Variants in BRINP2 observed in about 807,000 individuals in gnomAD.
BRINP2 encodes BMP/retinoic acid inducible neural specific 2.
BRINP2 carries 21 observed loss-of-function variants against 69.2 expected under a neutral mutation model. The observed-to-expected ratio is 0.30, with a 90% CI of 0.22 to 0.44. The LOEUF is 0.44. Among genes scored for constraint, BRINP2 ranks in the 20% least tolerant of loss-of-function variants. The pLI, the probability that BRINP2 is intolerant of heterozygous loss-of-function variation, is 1.00. For missense variants in BRINP2, 877 were observed against 986.0 expected (o/e 0.89, Z 1.48); for synonymous variants, 380 against 394.1 (o/e 0.96, Z 0.42).
chr1:177,279,089 A>G (rs1193573571), intron 7 of BRINP2, among the ~76,000 whole-genome samples: 1 of 152,202 alleles, frequency 6.6e-6, no homozygotes, highest in East Asian at 1.9e-4. Flanking sequence ...AAAAAAAGGG[A>G]TGGAGTTAAA....
intron 4 of BRINP2, among the ~76,000 whole-genome samples, chr1:177,270,086 G>GT (rs1553275368): frequency 2.2e-5 from 3 of 137,742 alleles, no homozygotes; most frequent in African/African-American, 5.2e-5. Context: ...AAGGGGTGGG[G>GT]GGGGTGGTTC....
intron 1 of BRINP2, among the ~76,000 whole-genome samples, chr1:177,177,427 C>T (rs1006994617): frequency 2.6e-5 from 4 of 152,162 alleles, no homozygotes; most frequent in African/African-American, 4.8e-5. Context: ...TCATTATTGT[C>T]ATTCACTGCA....
chr1:177,230,050 G>A lies in BRINP2; in HGVS notation c.174G>A (p.Leu58=), dbSNP rs1049073734. The A allele has an allele frequency of 1.9e-6, 3 of 1,613,894 alleles. No individual in the cohort carries two copies. The highest frequency in any genetic ancestry group is 2.5e-6 in the Non-Finnish European group (3 of 1,180,024). The change falls in exon 2 of 8, where the codon CTG becomes CTA. Residue 58 remains leucine (L), a synonymous_variant. Transcript: ENST00000361539. ...SVAGQHPLDW[L]LTDRGPFHRA... ...CTGGCCAGCATCCCCTGGACTGGCTGCTCACAGACCGGGGCCCCTTCCACC... is the reference window on the plus strand; with the variant it reads ...CTGGCCAGCATCCCCTGGACTGGCTACTCACAGACCGGGGCCCCTTCCACC...
chr1:177,195,447 A>T (rs974306039), intron 1 of BRINP2, among the ~76,000 whole-genome samples: 2 of 151,252 alleles, frequency 1.3e-5, no homozygotes, highest in African/African-American at 4.9e-5. Flanking sequence ...CGCTAAGGAC[A>T]AAGCACGAGT....
Position 177,257,329 on chromosome 1 carries a change from G to C in BRINP2, c.614G>C (p.Arg205Thr), listed in dbSNP as rs1054756207. Residue 205 changes from arginine to threonine, a missense_variant, in exon 4 of 8, where the codon AGA (arginine) becomes ACA (threonine). Arg to Thr is a moderately conservative substitution (Grantham distance 71). Around this residue, in one of 3 missense-constraint regions of BRINP2, gnomAD observed 566 missense variants for 625.2 expected, o/e 0.91. Coordinates refer to ENST00000361539, the MANE Select transcript of BRINP2 (RefSeq NM_021165.4). ...CTGGCCGCCTCCTACTTCATCGACA[G>C]AGAGAGCACGCTGCGACGGCTGCAC... ...HQLAASYFIDRESTLRRLHHI... is the reference protein window; with the variant it reads ...HQLAASYFIDTESTLRRLHHI... 3 of 1,614,064 alleles carry C rather than the reference G, an allele frequency of 1.9e-6. No individual in the cohort carries two copies. Among genetic ancestry groups the C allele is most frequent in the Non-Finnish European group, 2.5e-6 (3 of 1,180,004 alleles).
intron 1 of BRINP2, among the ~76,000 whole-genome samples, chr1:177,206,376 A>T (rs1649070770): frequency 6.6e-6 from 1 of 152,238 alleles, no homozygotes; most frequent in Non-Finnish European, 1.5e-5. Flanking sequence ...CATTTGTTAC[A>T]TAGTAATAGA....
chr1:177,204,524 T>C (rs1649015230), intron 1 of BRINP2, among the ~76,000 whole-genome samples: 1 of 151,476 alleles, frequency 6.6e-6, no homozygotes, highest in Non-Finnish European at 1.5e-5. Flanking sequence ...GCTAAGAAAA[T>C]ATGTTTAAGA....
chr1:177,215,390 G>T (rs1490030062), intron 1 of BRINP2, among the ~76,000 whole-genome samples: 1 of 152,050 alleles, frequency 6.6e-6, no homozygotes, highest in Non-Finnish European at 1.5e-5. Context: ...ATGAACATGG[G>T]CTATCTCTTA....
intron 1 of BRINP2, among the ~76,000 whole-genome samples, chr1:177,177,772 G>T (rs12061077): frequency 0.22 from 32,898 of 152,142 alleles, 7,220 homozygotes; most frequent in African/African-American, 0.57. Context: ...AAAGGGTTAT[G>T]CTAAATGTTA....
chr1:177,254,609 T>C (rs570813093), intron 2 of BRINP2, among the ~76,000 whole-genome samples: 5 of 152,280 alleles, frequency 3.3e-5, no homozygotes, highest in Admixed American at 6.5e-5. Flanking sequence ...CTAGCCACTT[T>C]TTTCATGGAA....
intron 1 of BRINP2, among the ~76,000 whole-genome samples, chr1:177,174,578 G>A (rs1308444468): frequency 6.6e-6 from 1 of 152,202 alleles, no homozygotes; most frequent in African/African-American, 2.4e-5. Context: ...TTCAAAGGAA[G>A]GAGAATTTGA....
chr1:177,201,387 A>G (rs1015396659), intron 1 of BRINP2, among the ~76,000 whole-genome samples: 1 of 152,198 alleles, frequency 6.6e-6, no homozygotes. Context: ...TATTTCTTTA[A>G]TAAGAGAGAA....
At chr1:177,224,699 T>C (rs976772063) in intron 1 of BRINP2, among the ~76,000 whole-genome samples, 3 of 152,134 alleles carry the variant, frequency 2.0e-5, no homozygotes, top group Admixed American at 1.3e-4. Context: ...TGTGACCTCA[T>C]GCAATTTAAT....
Position 177,244,436 on chromosome 1 carries a change from G to C in BRINP2, c.270-11483G>C, listed in dbSNP as rs1650309598. ...GTCATTTAACTATTGCTACAATGAT[G>C]CATACAAAACAGCAAAATTCAGTAG... On this transcript the variant is annotated intron_variant, in intron 2 of 7. Coordinates refer to ENST00000361539, the MANE Select transcript of BRINP2 (RefSeq NM_021165.4). Among the ~76,000 whole-genome samples, 4 of 152,266 alleles carry C rather than the reference G, an allele frequency of 2.6e-5. No individual in the cohort carries two copies. The South Asian group carries it at 6.2e-4, about 24-fold the overall frequency.
At position 177,276,341 on chromosome 1, in the gene BRINP2, AACTGC is replaced by A. The variant is rs770202190; in HGVS notation, c.920_924del (p.Asn307ThrfsTer2). The stretch of plus-strand genomic sequence containing the variant: ...GTGCAGCCCCACCTTCCCTGAATGC[AACTGC>A]CCTGATGCTGACATCCAGGCCATGG... On this transcript the variant is annotated frameshift_variant, in exon 6 of 8. Coordinates refer to ENST00000361539, the MANE Select transcript of BRINP2 (RefSeq NM_021165.4). LOFTEE classifies it high-confidence loss of function. 1 of 1,614,228 alleles carries A rather than the reference AACTGC, an allele frequency of 6.2e-7. No homozygotes were observed. The highest frequency in any genetic ancestry group is 2.2e-5 in the East Asian group (1 of 44,878).
chr1:177,267,034 G>T (rs548367251), intron 4 of BRINP2, among the ~76,000 whole-genome samples: 97 of 152,254 alleles, frequency 6.4e-4, no homozygotes, highest in African/African-American at 2.2e-3. Context: ...GTGGGTAAAG[G>T]TTTGTTGAAT....
At position 177,276,331 on chromosome 1, in the gene BRINP2, C is replaced by G; in HGVS notation, c.909C>G (p.Phe303Leu). 1 of 1,614,224 alleles carries G rather than the reference C, an allele frequency of 6.2e-7. No homozygotes were observed. The highest frequency in any genetic ancestry group is 8.5e-7 in the Non-Finnish European group (1 of 1,180,044). The change falls in exon 6 of 8, where the codon TTC becomes TTG. Residue 303 changes from phenylalanine to leucine, a missense_variant. This residue lies in a region of BRINP2 where 566 missense variants were observed against 625.2 expected (regional missense o/e 0.91). Transcript: ENST00000361539. ...GCTGGTGCAAGTGCAGCCCCACCTT[C>G]CCTGAATGCAACTGCCCTGATGCTG... is the stretch of plus-strand genomic sequence containing the variant. ...NDCWCKCSPT[F>L]PECNCPDADI...
intron 2 of BRINP2, among the ~76,000 whole-genome samples, chr1:177,247,949 G>A (rs1177586995): frequency 6.6e-6 from 1 of 152,138 alleles, no homozygotes; most frequent in African/African-American, 2.4e-5. Context: ...AGCCTGCAGG[G>A]GTGCCACGGT....
chr1:177,220,682 T>C (rs1457528154), intron 1 of BRINP2, among the ~76,000 whole-genome samples: 1 of 152,124 alleles, frequency 6.6e-6, no homozygotes, highest in Non-Finnish European at 1.5e-5. Context: ...TACAAGCCTC[T>C]TACACCTTAG....
Sources: allele counts gnomAD v4.1 joint callset (sites outside exome capture counted in the v4.1 genomes callset), GRCh38; gene constraint gnomAD v4.1.1; regional missense constraint gnomAD v4.1.1; transcripts MANE v1.5; gene names NCBI Gene and HGNC (gene_info 2026-07-23, HGNC 2026-07-21).